The following CERS6 variants were observed in gnomAD, a reference collection of about 807,000 sequenced individuals.
CERS6 encodes the protein ceramide synthase 6.
Under a neutral mutation model 56.8 loss-of-function variants are expected in CERS6, and 26 were observed. The observed-to-expected ratio is 0.46, with a 90% CI of 0.34 to 0.63. The LOEUF (loss-of-function observed/expected upper bound fraction) is 0.63. Among genes scored for constraint, CERS6 ranks in the 30% least tolerant of loss-of-function variants. CERS6 has a pLI of 0.01. For synonymous variants in CERS6, 164 were observed against 173.3 expected (o/e 0.95, Z 0.42); for missense variants, 415 against 467.5 (o/e 0.89, Z 1.04).
chr2:168,575,873 A>T (rs1322311893), intron 3 of CERS6, among the ~76,000 whole-genome samples: 1 of 152,108 alleles, frequency 6.6e-6, no homozygotes, highest in African/African-American at 2.4e-5. Context: ...CTACTGTGAC[A>T]AATACCTGCC....
intron 1 of CERS6, among the ~76,000 whole-genome samples, chr2:168,489,472 T>TG (rs1491241364): frequency 7.8e-5 from 8 of 103,138 alleles, no homozygotes; most frequent in Non-Finnish European, 1.7e-4. Context: ...TCTCCACCAA[T>TG]TTTTTTTTTT....
intron 1 of CERS6, among the ~76,000 whole-genome samples, chr2:168,494,799 C>T (rs895435310): frequency 2.6e-5 from 4 of 152,120 alleles, no homozygotes; most frequent in Non-Finnish European, 5.9e-5. Context: ...TAGCATTCTC[C>T]CCCTAGTGAC....
rs181466676 is a variant in CERS6, at chr2:168,558,595, C to T, written c.277-2597C>T. On this transcript the variant is annotated intron_variant, in intron 2 of 9. Coordinates refer to ENST00000305747, the MANE Select transcript of CERS6 (RefSeq NM_203463.3). ...TGGAAAGAAACTGATTTAGGCTGGG[C>T]GCGGTGGCTCACGCCTGTAATCCCA... is the stretch of plus-strand genomic sequence containing the variant. Among the ~76,000 whole-genome samples the T allele has an allele frequency of 4.9e-4, 74 of 152,288 alleles. 1 individual carries two copies. Among genetic ancestry groups the T allele is most frequent in the East Asian group, 4.8e-3 (25 of 5,176 alleles).
At chr2:168,700,211 G>C (rs372173195) in intron 6 of CERS6, among the ~76,000 whole-genome samples, 1 of 152,176 alleles carries the variant, frequency 6.6e-6, no homozygotes, top group Non-Finnish European at 1.5e-5. Flanking sequence ...GACTTTTTGC[G>C]GAGAATAACT....
intron 8 of CERS6, among the ~76,000 whole-genome samples, chr2:168,760,738 G>GTTTGTTTA (rs376070301): frequency 1.2e-4 from 16 of 129,334 alleles, no homozygotes; most frequent in Admixed American, 3.1e-4. Context: ...TTTACTGTTT[G>GTTTGTTTA]TTTATTTATT....
Position 168,630,979 on chromosome 2 carries a change from C to T in CERS6, c.408-6C>T, listed in dbSNP as rs748849644. 2 of 1,456,150 alleles carry T rather than the reference C, an allele frequency of 1.4e-6. No homozygotes were observed. The highest frequency in any genetic ancestry group is 1.8e-4 in the Middle Eastern group (1 of 5,516). The allele number at this position is 1,456,150 out of a possible 1,614,324, so 90.2% of individuals were successfully genotyped here. ...ATGTCACAGATTTTTTTTTAACCTT[C>T]TACAGGTGGAGATTTTCATTTTACC... On this transcript the variant is annotated splice_region_variant and splice_polypyrimidine_tract_variant and intron_variant, in intron 3 of 9. Coordinates refer to ENST00000305747, the MANE Select transcript of CERS6 (RefSeq NM_203463.3).
At chr2:168,598,754 C>G (rs953928915) in intron 3 of CERS6, among the ~76,000 whole-genome samples, 1 of 152,148 alleles carries the variant, frequency 6.6e-6, no homozygotes. Flanking sequence ...TTTTTTTAAT[C>G]TTAATTTGTT....
intron 3 of CERS6, among the ~76,000 whole-genome samples, chr2:168,595,292 T>C (rs144927242): frequency 5.6e-4 from 86 of 152,336 alleles, no homozygotes; most frequent in African/African-American, 2.0e-3. Context: ...GACTTTCAGA[T>C]GGTGAGATGT....
chr2:168,520,624 T>TTTTTTTTTTTTTTTTTTTTTG, intron 1 of CERS6, among the ~76,000 whole-genome samples: 1 of 129,810 alleles, frequency 7.7e-6, no homozygotes, highest in Non-Finnish European at 1.6e-5. Context: ...TTTTTTTTTT[T>TTTTTTTTTTTTTTTTTTTTTG]TTTGAGAAGC....
intron 3 of CERS6, among the ~76,000 whole-genome samples, chr2:168,600,294 T>C (rs1683903570): frequency 6.6e-6 from 1 of 150,574 alleles, no homozygotes; most frequent in African/African-American, 2.4e-5. Context: ...AAGCTCCGCC[T>C]CCCAGGTTCA....
At chr2:168,679,563 G>T (rs190348314) in intron 4 of CERS6, among the ~76,000 whole-genome samples, 1 of 152,122 alleles carries the variant, frequency 6.6e-6, no homozygotes, top group African/African-American at 2.4e-5. Context: ...GCTTCTACTC[G>T]TAATCTCGCT....
At chr2:168,525,308 A>G (rs538732047) in intron 1 of CERS6, among the ~76,000 whole-genome samples, 2 of 152,248 alleles carry the variant, frequency 1.3e-5, no homozygotes, top group Admixed American at 6.5e-5. Flanking sequence ...CAGAATTTGT[A>G]TTTTTATCTG....
At chr2:168,665,468 T>C (rs1375681253) in intron 4 of CERS6, among the ~76,000 whole-genome samples, 2 of 152,174 alleles carry the variant, frequency 1.3e-5, no homozygotes, top group African/African-American at 2.4e-5. Context: ...GGAGATCTCA[T>C]GGGACACACA....
rs114951223 is a variant in CERS6 at position 168,502,750 on chromosome 2, G to A, written c.171-44846G>A. 3.7e-3 allele frequency among the ~76,000 whole-genome samples: 570 copies of A among 152,336 alleles called. 3 individuals are homozygous for A. The highest frequency in any genetic ancestry group is 0.012 in the African/African-American group (487 of 41,576). On this transcript the variant is annotated intron_variant, in intron 1 of 9. Coordinates refer to ENST00000305747, the MANE Select transcript of CERS6 (RefSeq NM_203463.3). ...AGTAGGCAGGCCCAAGTGAGGGCAT[G>A]TAGTTCCCCCTGTTGGGCAGATCTG...
intron 3 of CERS6, among the ~76,000 whole-genome samples, chr2:168,576,030 T>C (rs1683255601): frequency 6.6e-6 from 1 of 151,860 alleles, no homozygotes; most frequent in South Asian, 2.1e-4. Flanking sequence ...AGGAAGGGAG[T>C]CCAGGCAGGG....
chr2:168,576,733 C>A (rs1226104396), intron 3 of CERS6, among the ~76,000 whole-genome samples: 1 of 151,908 alleles, frequency 6.6e-6, no homozygotes, highest in Non-Finnish European at 1.5e-5. Context: ...TGCACACACA[C>A]CTATACACAC....
chr2:168,698,128 TG>T (rs1686706432), intron 6 of CERS6, among the ~76,000 whole-genome samples: 1 of 151,734 alleles, frequency 6.6e-6, no homozygotes, highest in Non-Finnish European at 1.5e-5. Context: ...AAACCCTGTC[TG>T]TATAAAATAT....
intron 3 of CERS6, among the ~76,000 whole-genome samples, chr2:168,578,172 CTT>C (rs79515649): frequency 2.1e-5 from 3 of 141,526 alleles, no homozygotes; most frequent in Non-Finnish European, 1.6e-5. Context: ...AACCAGTAAA[CTT>C]TTTTTTTTTT....
chr2:168,626,768 A>G (rs552057488), intron 3 of CERS6, among the ~76,000 whole-genome samples: 1 of 152,072 alleles, frequency 6.6e-6, no homozygotes, highest in Non-Finnish European at 1.5e-5. Flanking sequence ...TCTTTTTCCA[A>G]TACTGGTCTT....
Sources: gnomAD v4.1 joint callset for allele counts (sites outside exome capture counted in the v4.1 genomes callset) on GRCh38, gnomAD v4.1.1 for gene constraint, MANE v1.5 for transcripts, NCBI Gene and HGNC (gene_info 2026-07-23, HGNC 2026-07-21) for gene names.